Variants in NTN1 observed in about 807,000 individuals in gnomAD.
NTN1 encodes the protein netrin-1.
Under a neutral mutation model 54.2 loss-of-function variants are expected in NTN1, and 11 were observed. That is an observed-to-expected ratio of 0.20 (90% CI 0.13 to 0.34). The LOEUF (loss-of-function observed/expected upper bound fraction) is 0.34. Ranked by LOEUF, NTN1 falls within the 10% of genes least tolerant of loss-of-function variation. The probability of loss-of-function intolerance (pLI) is 1.00; values close to 1 mark genes in which losing one functional copy is unlikely to be tolerated. For missense variants in NTN1, 740 were observed against 893.1 expected, an observed-to-expected ratio of 0.83 and a Z score of 2.18; for synonymous variants, 371 against 382.0, an observed-to-expected ratio of 0.97 and a Z score of 0.33.
intron 2 of NTN1, among the ~76,000 whole-genome samples, chr17:9,143,770 G>A (rs781057931): frequency 3.9e-5 from 6 of 152,214 alleles, no homozygotes; most frequent in Admixed American, 3.9e-4. Context: ...GTCTTAACTG[G>A]GAGGTCCCTT....
intron 2 of NTN1, among the ~76,000 whole-genome samples, chr17:9,161,709 C>T (rs1234257046): frequency 3.3e-5 from 5 of 152,058 alleles, no homozygotes; most frequent in African/African-American, 7.2e-5. Flanking sequence ...ACCCGGGAGG[C>T]GGAGGTTGCA....
chr17:9,057,919 G>T (rs573968209), intron 2 of NTN1, among the ~76,000 whole-genome samples: 2 of 152,128 alleles, frequency 1.3e-5, no homozygotes, highest in Non-Finnish European at 2.9e-5. Flanking sequence ...ACAGAGTCTC[G>T]CTGTGTTGTC....
chr17:9,153,483 CTG>C lies in NTN1; in HGVS notation c.1019-9324_1019-9323del, dbSNP rs539005912. Among the ~76,000 whole-genome samples the C allele has an allele frequency of 2.5e-3, 386 of 152,228 alleles. 2 individuals carry two copies. Among genetic ancestry groups the C allele is most frequent in the African/African-American group, 8.7e-3 (363 of 41,532 alleles). On this transcript the variant is annotated intron_variant, in intron 2 of 6. Transcript: ENST00000173229. Reference sequence around the variant, plus strand: ...AGAAACTCTGGGGGTTGACTCAGCTCTGTGTGTCTTAGGAGGGAATGCTGGTG... The same window carrying C: ...AGAAACTCTGGGGGTTGACTCAGCTCTGTGTCTTAGGAGGGAATGCTGGTG...
At chr17:9,150,543 G>A (rs755253817) in intron 2 of NTN1, among the ~76,000 whole-genome samples, 6 of 152,242 alleles carry the variant, frequency 3.9e-5, no homozygotes, top group Non-Finnish European at 8.8e-5. Context: ...TCTGAGGAAC[G>A]CAGCAGACAA....
intron 2 of NTN1, among the ~76,000 whole-genome samples, chr17:9,099,922 A>G: frequency 6.6e-6 from 1 of 152,202 alleles, no homozygotes; most frequent in East Asian, 1.9e-4. Flanking sequence ...AAATGTACTG[A>G]GTAATCCTTT....
intron 2 of NTN1, among the ~76,000 whole-genome samples, chr17:9,147,758 C>T (rs1181538388): frequency 6.6e-6 from 1 of 152,152 alleles, no homozygotes; most frequent in Non-Finnish European, 1.5e-5. Context: ...TGGAATCTGC[C>T]ATCCCCTGTC....
intron 2 of NTN1, among the ~76,000 whole-genome samples, chr17:9,145,116 C>T (rs1396527262): frequency 1.3e-5 from 2 of 152,182 alleles, no homozygotes; most frequent in Non-Finnish European, 2.9e-5. Context: ...ATTTACTGCA[C>T]AATAAAGGAA....
intron 2 of NTN1, among the ~76,000 whole-genome samples, chr17:9,117,998 G>A (rs1242098455): frequency 4.6e-5 from 7 of 152,196 alleles, no homozygotes; most frequent in Admixed American, 2.0e-4. Context: ...ACGCTCAAGA[G>A]CGTAGCTCAT....
At chr17:9,003,797 G>GA in the NTN1 span, among the ~76,000 whole-genome samples, 5 of 152,186 alleles carry the variant, frequency 3.3e-5, no homozygotes, top group Non-Finnish European at 7.3e-5. This position sits in a 1 kb window ranked among gnomAD's most constrained non-coding sequence, Gnocchi z 7.4. Flanking sequence ...GGGCTAATCT[G>GA]AACAGAGGTG....
intron 2 of NTN1, among the ~76,000 whole-genome samples, chr17:9,117,096 A>C (rs761283298): frequency 6.6e-6 from 1 of 152,186 alleles, no homozygotes; most frequent in Non-Finnish European, 1.5e-5. Context: ...GTGAGGCGTG[A>C]AAGGGTGCTT....
intron 2 of NTN1, among the ~76,000 whole-genome samples, chr17:9,143,155 AGG>A (rs1035281796): frequency 6.6e-6 from 1 of 152,218 alleles, no homozygotes; most frequent in African/African-American, 2.4e-5. Flanking sequence ...TTTGTCCAGA[AGG>A]GCTGTCTGTC....
chr17:9,147,648 A>G (rs75794312), intron 2 of NTN1, among the ~76,000 whole-genome samples: 1 of 152,118 alleles, frequency 6.6e-6, no homozygotes, highest in Non-Finnish European at 1.5e-5. Flanking sequence ...TCCTCCCCAG[A>G]GCCGGAGTCT....
intron 2 of NTN1, among the ~76,000 whole-genome samples, chr17:9,058,468 G>A (rs983389962): frequency 1.9e-4 from 28 of 150,830 alleles, no homozygotes; most frequent in African/African-American, 6.6e-4. Context: ...CTGTGTTCTG[G>A]CCCTAAGTGG....
At chr17:9,186,477 C>A (rs1034340952) in intron 5 of NTN1, among the ~76,000 whole-genome samples, 8 of 152,264 alleles carry the variant, frequency 5.3e-5, no homozygotes, top group African/African-American at 1.9e-4. Context: ...CACCTCCCAA[C>A]AGGGATCCCG....
chr17:9,162,774 G>A (rs753374047), intron 2 of NTN1, 39 bp from the exon 3 acceptor site: 12 of 1,571,226 alleles, frequency 7.6e-6, no homozygotes, highest in African/African-American at 1.3e-5. Flanking sequence ...TCCTCCCCGC[G>A]CCCCTGCGGC....
intron 2 of NTN1, among the ~76,000 whole-genome samples, chr17:9,162,259 G>C (rs1028372835): frequency 3.3e-5 from 5 of 152,236 alleles, no homozygotes; most frequent in African/African-American, 1.2e-4. Flanking sequence ...TTGCTCAGCT[G>C]CTACAACAAA....
At chr17:9,107,514 C>T (rs2142248327) in intron 2 of NTN1, among the ~76,000 whole-genome samples, 1 of 152,282 alleles carries the variant, frequency 6.6e-6, no homozygotes, top group Non-Finnish European at 1.5e-5. Flanking sequence ...AACGTGGAAC[C>T]ACTGACTTAG....
chr17:9,008,771 A>G, the NTN1 span, among the ~76,000 whole-genome samples: 1 of 152,234 alleles, frequency 6.6e-6, no homozygotes, highest in African/African-American at 2.4e-5. Flanking sequence ...CATTTTTCAG[A>G]AGAGGAAGTT....
At position 9,239,750 on chromosome 17, in the gene NTN1, C is replaced by G. The variant is rs1027810331; in HGVS notation, c.1597C>G (p.Gln533Glu). ...CACGAGCCGCATCCGCCGCGGTGAC[C>G]AGAGCCTGTGGATCCGCTCGCGGGA... ...QGTSRIRRGD[Q>E]SLWIRSRDIA... Residue 533 changes from glutamine (Q) to glutamate (E), a missense_variant, in exon 7 of 7, where the codon CAG (glutamine) becomes GAG (glutamate). Physicochemically the swap from Gln to Glu is conservative, Grantham distance 29 (BLOSUM62 2). Coordinates refer to ENST00000173229, the MANE Select transcript of NTN1 (RefSeq NM_004822.3). This position sits in a 1 kb window ranked among gnomAD's most constrained non-coding sequence, Gnocchi z 5.2. The G allele has an allele frequency of 6.8e-6, 11 of 1,613,736 alleles. No homozygotes were observed. Among genetic ancestry groups the G allele is most frequent in the Non-Finnish European group, 9.3e-6 (11 of 1,180,040 alleles).
Sources: allele counts gnomAD v4.1 joint callset (sites outside exome capture counted in the v4.1 genomes callset), GRCh38; gene constraint gnomAD v4.1.1; non-coding constraint Gnocchi (gnomAD v3.1); transcripts MANE v1.5; gene names NCBI Gene and HGNC (gene_info 2026-07-23, HGNC 2026-07-21).